PARD3B: variants seen among roughly 807,000 people sequenced by gnomAD.
PARD3B encodes partitioning defective 3 homolog B.
In PARD3B, 103 loss-of-function variants were observed where a neutral mutation model predicts 130.2. That is an observed-to-expected ratio of 0.79 (90% CI 0.67 to 0.93). The LOEUF (loss-of-function observed/expected upper bound fraction) is 0.93. Ranked by LOEUF, PARD3B falls within the 40% of genes least tolerant of loss-of-function variation. The probability of loss-of-function intolerance (pLI) is 0.00; values close to 1 mark genes in which losing one functional copy is unlikely to be tolerated. For missense variants in PARD3B, 1,609 were observed against 1,499.2 expected, an observed-to-expected ratio of 1.07 and a Z score of -1.21; for synonymous variants, 583 against 553.2, an observed-to-expected ratio of 1.05 and a Z score of -0.76.
intron 11 of PARD3B, among the ~76,000 whole-genome samples, chr2:205,163,746 C>T (rs2034640914): frequency 6.6e-6 from 1 of 152,162 alleles, no homozygotes; most frequent in Non-Finnish European, 1.5e-5. Flanking sequence ...GACTAATTTC[C>T]ACCCCCATCT....
At chr2:204,852,115 G>C (rs1345380697) in intron 2 of PARD3B, among the ~76,000 whole-genome samples, 2 of 152,056 alleles carry the variant, frequency 1.3e-5, no homozygotes, top group African/African-American at 4.8e-5. Flanking sequence ...TGTAACAAAT[G>C]ACTGCCCTTT....
chr2:204,734,736 A>G (rs2039669688), intron 2 of PARD3B, among the ~76,000 whole-genome samples: 1 of 152,126 alleles, frequency 6.6e-6, no homozygotes, highest in South Asian at 2.1e-4. Flanking sequence ...AGTGGTTCCT[A>G]GGGGTGAAGT....
chr2:205,619,610 G>A lies in PARD3B; in HGVS notation c.*3797G>A, dbSNP rs1167089075. On this transcript the variant is annotated 3_prime_UTR_variant, in exon 23 of 23. Transcript: ENST00000406610. ...GATGCCACAGCGAGACCAGAAAGAG[G>A]AGTCGCCTTAAGGTATCCCTACAAA... 6.6e-6 allele frequency: 1 copy of A among 152,116 alleles called. No homozygotes were observed. Among genetic ancestry groups the A allele is most frequent in the South Asian group, 2.1e-4 (1 of 4,826 alleles). The allele number at this position is 152,116 out of a possible 1,614,324, so 9.4% of individuals were successfully genotyped here.
intron 18 of PARD3B, among the ~76,000 whole-genome samples, chr2:205,322,196 A>G (rs2042775896): frequency 6.6e-6 from 1 of 152,368 alleles, no homozygotes; most frequent in South Asian, 2.1e-4. Context: ...ATGCACAAAG[A>G]TAAATGTATT....
chr2:205,046,264 T>TA (rs958283818), intron 3 of PARD3B, among the ~76,000 whole-genome samples: 55 of 150,938 alleles, frequency 3.6e-4, no homozygotes, highest in South Asian at 8.3e-4. Context: ...TTTTTTTTTT[T>TA]AAAAATGTTT....
At chr2:205,063,450 G>A (rs1038495665) in intron 4 of PARD3B, among the ~76,000 whole-genome samples, 1 of 152,198 alleles carries the variant, frequency 6.6e-6, no homozygotes, top group South Asian at 2.1e-4. Flanking sequence ...AAAGGATGCA[G>A]GTAGAAAAAT....
At chr2:204,963,579 A>G (rs150904315) in intron 2 of PARD3B, among the ~76,000 whole-genome samples, 1 of 152,318 alleles carries the variant, frequency 6.6e-6, no homozygotes, top group Non-Finnish European at 1.5e-5. Flanking sequence ...TATATAACAG[A>G]AATAGTGATG....
intron 3 of PARD3B, among the ~76,000 whole-genome samples, chr2:205,026,233 C>T (rs1697018870): frequency 1.3e-5 from 2 of 152,090 alleles, no homozygotes; most frequent in South Asian, 4.2e-4. Flanking sequence ...CGCAGAGGGA[C>T]CAGCTAGTAC....
intron 3 of PARD3B, among the ~76,000 whole-genome samples, chr2:205,036,368 AAAT>A: frequency 7.4e-6 from 1 of 135,342 alleles, no homozygotes; most frequent in South Asian, 2.2e-4. Context: ...TATATATATA[AAAT>A]ATATATAGCA....
chr2:205,387,190 A>T (rs2045691969), intron 18 of PARD3B, among the ~76,000 whole-genome samples: 1 of 152,158 alleles, frequency 6.6e-6, no homozygotes, highest in African/African-American at 2.4e-5. Flanking sequence ...TCCCCTTGAA[A>T]ATGTTGCCTT....
chr2:204,966,537 G>A (rs553036754), intron 3 of PARD3B, among the ~76,000 whole-genome samples: 2 of 152,262 alleles, frequency 1.3e-5, no homozygotes, highest in South Asian at 4.2e-4. Flanking sequence ...AAGGGAAGAC[G>A]AAAGGAGAAA....
chr2:205,014,208 C>A (rs928425897), intron 3 of PARD3B, among the ~76,000 whole-genome samples: 1 of 152,174 alleles, frequency 6.6e-6, no homozygotes, highest in East Asian at 1.9e-4. Flanking sequence ...ATCAACCTAA[C>A]TTCTTATGTC....
chr2:205,300,914 T>C lies in PARD3B; in HGVS notation c.2392+178T>C, dbSNP rs2041974024. Among the ~76,000 whole-genome samples, 1 of 152,266 alleles carries C rather than the reference T, an allele frequency of 6.6e-6. No homozygotes were observed. Among genetic ancestry groups the C allele is most frequent in the African/African-American group, 2.4e-5 (1 of 41,474 alleles). ...GCCCTTTGGCTTAATGAACATGGAA[T>C]TGGAGAACACAATATGCAATTTATT... On this transcript the variant is annotated intron_variant, in intron 17 of 22. Coordinates refer to ENST00000406610, the MANE Select transcript of PARD3B (RefSeq NM_001302769.2). This position sits in a 1 kb window ranked among gnomAD's most constrained non-coding sequence, Gnocchi z 4.1.
chr2:205,244,995 A>G lies in PARD3B; in HGVS notation c.2141-783A>G, dbSNP rs1305064273. ...ATTTTCTTACACACATATGATCATC[A>G]GTATTCAACTACATATATGAGGAGA... On this transcript the variant is annotated intron_variant, in intron 15 of 22. Transcript: ENST00000406610. The surrounding 1 kb of genome is among the most constrained non-coding windows in gnomAD (Gnocchi z 4.7). 6.6e-6 allele frequency among the ~76,000 whole-genome samples: 1 copy of G among 152,206 alleles called. No individual in the cohort carries two copies. Among genetic ancestry groups the G allele is most frequent in the Non-Finnish European group, 1.5e-5 (1 of 68,042 alleles).
In PARD3B at chr2:205,091,191, C is replaced by T. The variant is rs529567920; in HGVS notation, c.505-13235C>T. Among the ~76,000 whole-genome samples, 9 of 152,112 alleles carry T rather than the reference C, an allele frequency of 5.9e-5. No individual in the cohort carries two copies. Among genetic ancestry groups the T allele is most frequent in the Non-Finnish European group, 1.2e-4 (8 of 68,030 alleles). ...AGTTTTTCAACCCCAAAGTAGCCAA[C>T]AAATGGAATAGAAGTTAAGAACATA... On this transcript the variant is annotated intron_variant, in intron 4 of 22. Transcript: ENST00000406610. The surrounding 1 kb of genome is among the most constrained non-coding windows in gnomAD (Gnocchi z 4.2).
chr2:205,614,075 G>A (rs996973428), intron 22 of PARD3B, among the ~76,000 whole-genome samples: 12 of 152,198 alleles, frequency 7.9e-5, no homozygotes, highest in Non-Finnish European at 4.4e-5. Flanking sequence ...GGATGGTGGT[G>A]GTGGTGAATG....
At chr2:204,798,970 A>G (rs1240932608) in intron 2 of PARD3B, among the ~76,000 whole-genome samples, 1 of 151,902 alleles carries the variant, frequency 6.6e-6, no homozygotes, top group East Asian at 2.0e-4. Flanking sequence ...TCTTGGCCAC[A>G]GGGAAAGACT....
intron 16 of PARD3B, among the ~76,000 whole-genome samples, chr2:205,284,498 C>T (rs777223744): frequency 2.0e-5 from 3 of 152,052 alleles, no homozygotes; most frequent in Admixed American, 6.6e-5. Flanking sequence ...CTAAATGGGC[C>T]CCTTTTGACC....
At chr2:204,883,223 C>T (rs957210014) in intron 2 of PARD3B, among the ~76,000 whole-genome samples, 3 of 151,306 alleles carry the variant, frequency 2.0e-5, no homozygotes, top group South Asian at 2.1e-4. Context: ...TTTTCCTCAT[C>T]GTTTTCTCCT....
Sources: allele counts gnomAD v4.1 joint callset (sites outside exome capture counted in the v4.1 genomes callset), GRCh38; gene constraint gnomAD v4.1.1; non-coding constraint Gnocchi (gnomAD v3.1); transcripts MANE v1.5; gene names NCBI Gene and HGNC (gene_info 2026-07-23, HGNC 2026-07-21).